Variants in VEZT observed in about 807,000 individuals in gnomAD.
VEZT encodes the protein vezatin, adherens junctions transmembrane protein, also known as vezatin.
A neutral mutation model predicts 79.9 loss-of-function variants in VEZT; 39 were observed. The observed-to-expected ratio is 0.49, with a 90% CI of 0.38 to 0.64. The LOEUF is 0.64. VEZT is among the 30% of genes least tolerant of loss of function. The pLI is 0.00. For missense variants in VEZT, 837 were observed against 893.1 expected (o/e 0.94, Z 0.80); for synonymous variants, 325 against 327.6 (o/e 0.99, Z 0.09).
chr12:95,285,668 C>T (rs2070566807), intron 8 of VEZT, among the ~76,000 whole-genome samples: 2 of 152,058 alleles, frequency 1.3e-5, no homozygotes, highest in South Asian at 2.1e-4. Context: ...TTACATCTTA[C>T]TAGCTTTGTG....
rs149447039 is a variant in VEZT, at chr12:95,228,019, G to T, written c.36+10133G>T. On this transcript the variant is annotated intron_variant, in intron 1 of 11. Transcript: ENST00000436874. ...GAACTCGTTACTGTTTTTGGTGTTTGTTTAAATTCCTTCTTCCTCTTTTCT... is the reference window on the plus strand; with the variant it reads ...GAACTCGTTACTGTTTTTGGTGTTTTTTTAAATTCCTTCTTCCTCTTTTCT... 1.0e-3 allele frequency among the ~76,000 whole-genome samples: 153 copies of T among 152,258 alleles called. 1 individual carries two copies. The highest frequency in any genetic ancestry group is 3.7e-3 in the African/African-American group (153 of 41,554).
At chr12:95,256,642 G>A in intron 2 of VEZT, 1 of 1,259,786 alleles carries the variant, frequency 7.9e-7, no homozygotes. Flanking sequence ...ATTTTTGGTT[G>A]ATTCAGTAGT....
intron 1 of VEZT, among the ~76,000 whole-genome samples, chr12:95,225,521 C>T (rs188671003): frequency 6.6e-6 from 1 of 152,154 alleles, no homozygotes; most frequent in East Asian, 1.9e-4. Context: ...CGCGCCACTG[C>T]ACTCCAGCGT....
rs758133559 is a variant in VEZT at position 95,270,108 on chromosome 12, C to T, written c.768C>T (p.Ile256=). 5.6e-6 allele frequency: 9 copies of T among 1,611,802 alleles called. No homozygotes were observed. The highest frequency in any genetic ancestry group is 2.7e-5 in the African/African-American group (2 of 74,904). ...KAGQHPSQHL[I]GLRKAVYRTL... Reference sequence around the variant, plus strand: ...GACAGCATCCAAGTCAGCATCTCATCGGTCTTCGGAAAGCTGTCTACCGAA... The same window carrying T: ...GACAGCATCCAAGTCAGCATCTCATTGGTCTTCGGAAAGCTGTCTACCGAA... Residue 256 remains isoleucine (I), a synonymous_variant, in exon 6 of 12, where the codon ATC becomes ATT. Coordinates refer to ENST00000436874, the MANE Select transcript of VEZT (RefSeq NM_017599.4).
At chr12:95,282,211 T>A in intron 7 of VEZT, 102 bp from the exon 8 acceptor site, 1 of 1,047,412 alleles carries the variant, frequency 9.5e-7, no homozygotes, top group Non-Finnish European at 1.3e-6. Flanking sequence ...TAGGATAAAG[T>A]GCAAAATTTA....
chr12:95,266,724 T>A, intron 5 of VEZT, 92 bp downstream of exon 5: 3 of 1,334,412 alleles, frequency 2.2e-6, no homozygotes, highest in Non-Finnish European at 3.0e-6. Flanking sequence ...TATGTTGCAT[T>A]TATAGGAAAA....
At chr12:95,283,844 G>GCCCT (rs1013827630) in intron 8 of VEZT, among the ~76,000 whole-genome samples, 9 of 152,200 alleles carry the variant, frequency 5.9e-5, no homozygotes, top group African/African-American at 2.2e-4. Flanking sequence ...GAGGCTCTTA[G>GCCCT]CCCTGCCTTC....
rs554677553 is a variant in VEZT at position 95,300,802 on chromosome 12, C to A, written c.*129C>A. The A allele has an allele frequency of 1.1e-3, 1,420 of 1,276,962 alleles. 5 individuals carry two copies. The highest frequency in any genetic ancestry group is 1.1e-3 in the Non-Finnish European group (1,127 of 988,628). The allele number at this position is 1,276,962 out of a possible 1,614,324, so 79.1% of individuals were successfully genotyped here. ...CTAAGATGTGGATTTACAGGAAGAA[C>A]CCTGGTTTGAATAACTGATCTGAAA... On this transcript the variant is annotated 3_prime_UTR_variant, in exon 12 of 12. Coordinates refer to ENST00000436874, the MANE Select transcript of VEZT (RefSeq NM_017599.4).
At chr12:95,230,845 C>G (rs1410061557) in intron 1 of VEZT, among the ~76,000 whole-genome samples, 1 of 152,186 alleles carries the variant, frequency 6.6e-6, no homozygotes, top group Non-Finnish European at 1.5e-5. Context: ...AAAGTAGCAT[C>G]AGAACCAAGG....
chr12:95,237,971 A>C (rs1238867538), intron 1 of VEZT, among the ~76,000 whole-genome samples: 7 of 152,218 alleles, frequency 4.6e-5, no homozygotes. Context: ...ACTTAAAGCC[A>C]CCAATGGAAG....
In VEZT at chr12:95,296,041, T is replaced by C. The variant is rs780675680; in HGVS notation, c.1624-10T>C. 3.9e-6 allele frequency: 6 copies of C among 1,523,656 alleles called. No homozygotes were observed. The highest frequency in any genetic ancestry group is 5.3e-6 in the Non-Finnish European group (6 of 1,133,700). The allele number at this position is 1,523,656 out of a possible 1,614,324, so 94.4% of individuals were successfully genotyped here. On this transcript the variant is annotated splice_polypyrimidine_tract_variant and intron_variant, in intron 10 of 11. Transcript: ENST00000436874. ...TCAAGTAAAGTGCTTTTTCTTCTATTCATTTTCAGGAATTAGAAGCTTATG... is the reference window on the plus strand; with the variant it reads ...TCAAGTAAAGTGCTTTTTCTTCTATCCATTTTCAGGAATTAGAAGCTTATG...
intron 8 of VEZT, among the ~76,000 whole-genome samples, chr12:95,283,716 T>G (rs957797088): frequency 6.6e-6 from 1 of 152,208 alleles, no homozygotes; most frequent in African/African-American, 2.4e-5. Flanking sequence ...GGGCTTGATA[T>G]AAGGCTTGAT....
intron 1 of VEZT, among the ~76,000 whole-genome samples, chr12:95,233,240 A>G (rs1566002816): frequency 6.6e-6 from 1 of 151,768 alleles, no homozygotes; most frequent in South Asian, 2.1e-4. Context: ...TTCCACACAG[A>G]TAACACATGA....
At chr12:95,247,189 T>C (rs1232418062) in intron 1 of VEZT, among the ~76,000 whole-genome samples, 1 of 152,210 alleles carries the variant, frequency 6.6e-6, no homozygotes, top group Admixed American at 6.5e-5. Flanking sequence ...CATCAGATGG[T>C]TGCATATTCT....
At chr12:95,292,319 G>A (rs922336097) in intron 9 of VEZT, among the ~76,000 whole-genome samples, 1 of 152,016 alleles carries the variant, frequency 6.6e-6, no homozygotes, top group African/African-American at 2.4e-5. Context: ...TAATGTACCT[G>A]TTTATTGCTA....
chr12:95,268,287 A>G, intron 5 of VEZT, among the ~76,000 whole-genome samples: 1 of 152,072 alleles, frequency 6.6e-6, no homozygotes, highest in East Asian at 1.9e-4. Flanking sequence ...CGAGGTCAGG[A>G]GATCGTAGCT....
intron 2 of VEZT, chr12:95,256,458 A>T: frequency 1.5e-6 from 1 of 650,284 alleles, no homozygotes; most frequent in Non-Finnish European, 2.2e-6. Flanking sequence ...CTTTACATTG[A>T]TTGTAATTCT....
chr12:95,239,781 A>ATCT (rs937246101), intron 1 of VEZT, among the ~76,000 whole-genome samples: 4 of 151,862 alleles, frequency 2.6e-5, no homozygotes, highest in African/African-American at 4.8e-5. Context: ...GTGAAACACC[A>ATCT]TCTCTACTAA....
At chr12:95,299,572 A>C (rs1238359608) in intron 11 of VEZT, 1 of 152,194 alleles carries the variant, frequency 6.6e-6, no homozygotes, top group Non-Finnish European at 1.5e-5. Flanking sequence ...CAAGTAAGTT[A>C]AATTGTATGT....
Sources: allele counts gnomAD v4.1 joint callset (sites outside exome capture counted in the v4.1 genomes callset), GRCh38; gene constraint gnomAD v4.1.1; transcripts MANE v1.5; gene names NCBI Gene and HGNC (gene_info 2026-07-23, HGNC 2026-07-21).